The following XPO7 variants were observed in gnomAD, a reference collection of about 807,000 sequenced individuals.
The protein encoded by XPO7 is exportin 7, also known as exportin-7.
XPO7 carries 21 observed loss-of-function variants against 144.3 expected under a neutral mutation model. The observed-to-expected ratio is 0.15, with a 90% CI of 0.10 to 0.21. XPO7 has a LOEUF of 0.21. XPO7 is among the 10% of genes least tolerant of loss of function. The probability of loss-of-function intolerance (pLI) is 1.00; values close to 1 mark genes in which losing one functional copy is unlikely to be tolerated. For missense variants in XPO7, 808 were observed against 1,325.8 expected (o/e 0.61, Z 6.06); for synonymous variants, 580 against 499.6 (o/e 1.16, Z -2.15).
chr8:21,939,468 G>A (rs931780735), intron 1 of XPO7, among the ~76,000 whole-genome samples: 4 of 152,056 alleles, frequency 2.6e-5, no homozygotes, highest in African/African-American at 9.7e-5. Flanking sequence ...TGATCCGTCT[G>A]CCTCAGCCTC....
At chr8:21,976,224 T>G in intron 6 of XPO7, 132 bp from the exon 7 acceptor site, 2 of 930,516 alleles carry the variant, frequency 2.1e-6, no homozygotes, top group Non-Finnish European at 3.3e-6. Context: ...ACCACATCTT[T>G]GGAGAGAAGG....
intron 4 of XPO7, among the ~76,000 whole-genome samples, 165 bp downstream of exon 4, chr8:21,970,475 A>C (rs1812020159): frequency 6.6e-6 from 1 of 152,136 alleles, no homozygotes; most frequent in South Asian, 2.1e-4. Context: ...TTTTACCCTT[A>C]ATAGGTCTTG....
intron 24 of XPO7, among the ~76,000 whole-genome samples, chr8:22,001,240 A>G (rs1304352527): frequency 1.3e-5 from 2 of 151,908 alleles, no homozygotes; most frequent in Non-Finnish European, 2.9e-5. Flanking sequence ...CGGGAAGTAG[A>G]AGCTGTGGTG....
rs376605722 is a variant in XPO7 at position 21,990,398 on chromosome 8, C to A, written c.1923C>A (p.Asn641Lys). 2 of 1,613,722 alleles carry A rather than the reference C, an allele frequency of 1.2e-6. No individual in the cohort carries two copies. Among genetic ancestry groups the A allele is most frequent in the East Asian group, 2.2e-5 (1 of 44,852 alleles). Reference sequence around the variant, plus strand: ...TTAGTGCGGTACAGTTCATGCTGAACAATCACACGGTGAGTGATTTTAGCT... The same window carrying A: ...TTAGTGCGGTACAGTTCATGCTGAAAAATCACACGGTGAGTGATTTTAGCT... ...VKLSAVQFML[N>K]NHTSEHFSFL... Residue 641 changes from asparagine (N) to lysine (K), a missense_variant, in exon 17 of 28, where the codon AAC (asparagine) becomes AAA (lysine). Asn to Lys is a moderately conservative substitution (Grantham distance 94). Coordinates refer to ENST00000252512, the MANE Select transcript of XPO7 (RefSeq NM_015024.5).
In XPO7 at chr8:22,005,524, G is replaced by A. The variant is rs1400724164; in HGVS notation, c.*436G>A. On this transcript the variant is annotated 3_prime_UTR_variant, in exon 28 of 28. Transcript: ENST00000252512. ...CAGAGTCTAGTGCACCAATGCTGAT[G>A]TGAGGGGTTGTGTATGCGAGTGAAG... 2 of 153,210 alleles carry A rather than the reference G, an allele frequency of 1.3e-5. No individual in the cohort carries two copies. Among genetic ancestry groups the A allele is most frequent in the African/African-American group, 4.8e-5 (2 of 41,486 alleles). The allele number at this position is 153,210 out of a possible 1,614,324, so 9.5% of individuals were successfully genotyped here.
chr8:21,936,830 T>C (rs1429939697), intron 1 of XPO7, among the ~76,000 whole-genome samples: 2 of 152,196 alleles, frequency 1.3e-5, no homozygotes, highest in African/African-American at 4.8e-5. Context: ...GGGGTTTTTC[T>C]CTTCTTTTTT....
chr8:21,970,534 T>C (rs1165794869), intron 4 of XPO7, among the ~76,000 whole-genome samples: 1 of 152,214 alleles, frequency 6.6e-6, no homozygotes, highest in Non-Finnish European at 1.5e-5. Context: ...GTCTTTCAAA[T>C]TCCTACATAT....
At chr8:22,000,808 C>G (rs1275903436) in intron 24 of XPO7, among the ~76,000 whole-genome samples, 1 of 152,116 alleles carries the variant, frequency 6.6e-6, no homozygotes, top group South Asian at 2.1e-4. Flanking sequence ...TTATATTAGG[C>G]TGAGCAAAAC....
At chr8:21,943,121 A>G (rs368974392) in intron 1 of XPO7, among the ~76,000 whole-genome samples, 161 of 152,318 alleles carry the variant, frequency 1.1e-3, no homozygotes, top group African/African-American at 3.7e-3. Context: ...CCTAAGTTTC[A>G]GTAACCCCCA....
intron 1 of XPO7, among the ~76,000 whole-genome samples, chr8:21,963,386 A>C (rs1007047481): frequency 6.6e-6 from 1 of 152,182 alleles, no homozygotes; most frequent in African/African-American, 2.4e-5. Flanking sequence ...CGGATTTTTT[A>C]AAGCAGTGAG....
At chr8:21,979,387 TTTTTTTTTTCTTTTTTTTTTTCG>T in intron 8 of XPO7, among the ~76,000 whole-genome samples, 1 of 146,262 alleles carries the variant, frequency 6.8e-6, no homozygotes, top group Non-Finnish European at 1.5e-5. Context: ...TGCTTATTTC[TTTTTTTTTTCTTTTTTTTTTTCG>T]TTTTTTTTTG....
chr8:21,974,487 A>C (rs1416256913), intron 5 of XPO7, among the ~76,000 whole-genome samples, 183 bp from the exon 6 acceptor site: 2 of 152,254 alleles, frequency 1.3e-5, no homozygotes, highest in Non-Finnish European at 2.9e-5. Flanking sequence ...TACCCTGGCT[A>C]TTAGCAGTTT....
At chr8:21,973,037 A>T (rs1274319201) in intron 5 of XPO7, among the ~76,000 whole-genome samples, 3 of 152,218 alleles carry the variant, frequency 2.0e-5, no homozygotes, top group Non-Finnish European at 4.4e-5. Context: ...CATATGAGGT[A>T]GGTACTGTGT....
At chr8:21,927,940 G>A (rs1018007020) in intron 1 of XPO7, among the ~76,000 whole-genome samples, 3 of 152,178 alleles carry the variant, frequency 2.0e-5, no homozygotes, top group African/African-American at 7.2e-5. Flanking sequence ...TTACTGTTGT[G>A]TAAATCTGTT....
At chr8:21,932,783 C>A (rs1317459310) in intron 1 of XPO7, among the ~76,000 whole-genome samples, 1 of 152,114 alleles carries the variant, frequency 6.6e-6, no homozygotes, top group African/African-American at 2.4e-5. Context: ...TATAGTCTAG[C>A]GGCTAGTCGT....
chr8:21,995,923 C>T (rs1812932928), intron 21 of XPO7, among the ~76,000 whole-genome samples: 1 of 152,130 alleles, frequency 6.6e-6, no homozygotes, highest in Admixed American at 6.5e-5. Context: ...TCACGCCATT[C>T]CCCTGCCTCA....
intron 1 of XPO7, among the ~76,000 whole-genome samples, chr8:21,926,732 A>C (rs1340699178): frequency 1.3e-5 from 2 of 152,208 alleles, no homozygotes; most frequent in African/African-American, 4.8e-5. Flanking sequence ...TCACATATCA[A>C]TACATCTGTT....
chr8:22,000,437 A>T (rs1458408354), intron 24 of XPO7, among the ~76,000 whole-genome samples: 1 of 148,414 alleles, frequency 6.7e-6, no homozygotes, highest in African/African-American at 2.5e-5. Context: ...TTTTGTTTCT[A>T]GGCTACCTTC....
chr8:21,970,362 A>G, intron 4 of XPO7, 52 bp downstream of exon 4: 2 of 1,503,972 alleles, frequency 1.3e-6, no homozygotes, highest in East Asian at 2.3e-5. Flanking sequence ...GCATATACAT[A>G]TATATAAACA....
Sources: allele counts gnomAD v4.1 joint callset (sites outside exome capture counted in the v4.1 genomes callset), GRCh38; gene constraint gnomAD v4.1.1; transcripts MANE v1.5; gene names NCBI Gene and HGNC (gene_info 2026-07-23, HGNC 2026-07-21).